The following MMP26 variants were observed in gnomAD, a reference collection of about 807,000 sequenced individuals.
The protein encoded by MMP26 is matrix metalloproteinase-26.
In MMP26, 33 loss-of-function variants were observed where a neutral mutation model predicts 31.0. The ratio of observed to expected loss-of-function variants is 1.06; its 90% CI spans 0.81 to 1.42. The LOEUF (loss-of-function observed/expected upper bound fraction) is 1.42, where lower values mean the gene tolerates loss of function less well. MMP26 is among the 40% of genes most tolerant of loss of function. MMP26 has a pLI of 0.00. For missense variants in MMP26, 347 were observed against 316.1 expected (o/e 1.10, Z -0.74); for synonymous variants, 122 against 114.9 (o/e 1.06, Z -0.40).
chr11:4,931,008 G>T (rs1464128169), intron 2 of MMP26, among the ~76,000 whole-genome samples: 1 of 151,840 alleles, frequency 6.6e-6, no homozygotes, highest in African/African-American at 2.4e-5. Context: ...TAAAGCTAAA[G>T]CTGAAATTAA....
intron 2 of MMP26, among the ~76,000 whole-genome samples, chr11:4,981,828 T>A (rs1231537562): frequency 6.6e-6 from 1 of 151,974 alleles, no homozygotes; most frequent in Non-Finnish European, 1.5e-5. Flanking sequence ...TTTTTCTTTT[T>A]TTTCTTTTTT....
chr11:4,747,188 T>C (rs1848392963), intron 1 of MMP26, among the ~76,000 whole-genome samples: 1 of 152,054 alleles, frequency 6.6e-6, no homozygotes. Flanking sequence ...GCTTACCAAA[T>C]AGATATGACA....
At chr11:4,729,023 G>T (rs1205355489) in intron 1 of MMP26, among the ~76,000 whole-genome samples, 1 of 151,500 alleles carries the variant, frequency 6.6e-6, no homozygotes, top group Non-Finnish European at 1.5e-5. Flanking sequence ...AATACTACAT[G>T]CTTTGCATAA....
intron 1 of MMP26, among the ~76,000 whole-genome samples, chr11:4,725,333 C>A (rs956088336): frequency 1.3e-5 from 2 of 152,160 alleles, no homozygotes; most frequent in African/African-American, 4.8e-5. Context: ...TCCTACTAAT[C>A]TGCATGCCCA....
At chr11:4,831,425 T>C (rs986445764) in intron 2 of MMP26, among the ~76,000 whole-genome samples, 5 of 152,352 alleles carry the variant, frequency 3.3e-5, no homozygotes, top group Admixed American at 1.3e-4. Flanking sequence ...TGAGCCTATC[T>C]TTTTCTGTGA....
intron 2 of MMP26, among the ~76,000 whole-genome samples, chr11:4,917,342 C>T (rs559677264): frequency 1.2e-4 from 19 of 152,108 alleles, no homozygotes; most frequent in African/African-American, 3.6e-4. Flanking sequence ...AGGATTTGAA[C>T]GAATATTTGA....
chr11:4,956,809 C>G (rs908913050), intron 2 of MMP26, among the ~76,000 whole-genome samples: 2 of 152,098 alleles, frequency 1.3e-5, no homozygotes, highest in South Asian at 2.1e-4. Context: ...CAGTAATAAG[C>G]CTTTAAGAAT....
chr11:4,834,734 A>C (rs1849692759), intron 2 of MMP26, among the ~76,000 whole-genome samples: 1 of 152,118 alleles, frequency 6.6e-6, no homozygotes, highest in African/African-American at 2.4e-5. Context: ...ATTACTTCCT[A>C]TGTATTATGA....
intron 2 of MMP26, among the ~76,000 whole-genome samples, chr11:4,936,811 T>C (rs962073410): frequency 3.9e-5 from 6 of 152,154 alleles, no homozygotes; most frequent in African/African-American, 1.4e-4. Flanking sequence ...CCCTTTGTAA[T>C]AATGTAATTG....
intron 2 of MMP26, among the ~76,000 whole-genome samples, chr11:4,906,686 G>A (rs1440079095): frequency 2.0e-5 from 3 of 152,104 alleles, no homozygotes; most frequent in Non-Finnish European, 2.9e-5. Context: ...TAAAGCCAAC[G>A]TGGGTACTGC....
At chr11:4,714,881 C>T (rs1245069616) in intron 1 of MMP26, among the ~76,000 whole-genome samples, 1 of 149,978 alleles carries the variant, frequency 6.7e-6, no homozygotes, top group Non-Finnish European at 1.5e-5. Context: ...ACAGAGTCTT[C>T]CATCAGTAAA....
chr11:4,923,741 T>C (rs750954260), intron 2 of MMP26: 3 of 1,613,842 alleles, frequency 1.9e-6, no homozygotes, highest in Non-Finnish European at 2.5e-6. Context: ...AAAGAGCCCA[T>C]AGATGTGATT....
intron 1 of MMP26, chr11:4,756,523 A>G (rs929209902): frequency 6.6e-6 from 1 of 152,050 alleles, no homozygotes; most frequent in African/African-American, 2.4e-5. Flanking sequence ...GAAAATATGG[A>G]TTTCCTATAA....
At chr11:4,982,226 T>C (rs754552928) in intron 2 of MMP26, among the ~76,000 whole-genome samples, 1 of 152,156 alleles carries the variant, frequency 6.6e-6, no homozygotes, top group South Asian at 2.1e-4. Context: ...TCAGGAATTA[T>C]ATACTGTATA....
chr11:4,750,479 A>G (rs1848434293), intron 1 of MMP26, among the ~76,000 whole-genome samples: 1 of 152,090 alleles, frequency 6.6e-6, no homozygotes, highest in Non-Finnish European at 1.5e-5. Flanking sequence ...TCATGTGTTT[A>G]TCACAGTACT....
intron 2 of MMP26, among the ~76,000 whole-genome samples, chr11:4,840,506 G>C (rs1428604107): frequency 2.6e-5 from 4 of 152,218 alleles, no homozygotes; most frequent in Admixed American, 1.3e-4. Context: ...TTGGGATAAA[G>C]TAAGGGAAGA....
At chr11:4,803,294 C>A in intron 2 of MMP26, 1 of 597,940 alleles carries the variant, frequency 1.7e-6, no homozygotes, top group Non-Finnish European at 2.9e-6. Flanking sequence ...GTTTCTCTTG[C>A]CTCTAGAGGG....
intron 2 of MMP26, chr11:4,804,189 G>C (rs1353160387): frequency 1.2e-6 from 2 of 1,614,060 alleles, no homozygotes; most frequent in African/African-American, 2.7e-5. Context: ...TGGCCAGAAA[G>C]AGGTACATGG....
chr11:4,846,817 C>G (rs568504876), intron 2 of MMP26, among the ~76,000 whole-genome samples: 2 of 152,218 alleles, frequency 1.3e-5, no homozygotes, highest in Non-Finnish European at 2.9e-5. Context: ...ACCATGTTCA[C>G]AGAATAAGAC....
Sources: gnomAD v4.1 joint callset for allele counts (sites outside exome capture counted in the v4.1 genomes callset) on GRCh38, gnomAD v4.1.1 for gene constraint, MANE v1.5 for transcripts, NCBI Gene and HGNC (gene_info 2026-07-23, HGNC 2026-07-21) for gene names.